The following UNC5D variants were observed in gnomAD, a reference collection of about 807,000 sequenced individuals.
The protein encoded by UNC5D is netrin receptor UNC5D.
In UNC5D, 39 loss-of-function variants were observed where a neutral mutation model predicts 105.4. The ratio of observed to expected loss-of-function variants is 0.37; its 90% confidence interval spans 0.29 to 0.48. UNC5D has a LOEUF of 0.48. Among genes scored for constraint, UNC5D ranks in the 20% least tolerant of loss-of-function variants. UNC5D has a pLI of 0.98. For synonymous variants in UNC5D, 452 were observed against 450.4 expected (o/e 1.00, Z -0.04); for missense variants, 991 against 1,202.4 (o/e 0.82, Z 2.60).
intron 1 of UNC5D, among the ~76,000 whole-genome samples, chr8:35,495,785 AT>A (rs1811545522): frequency 6.6e-6 from 1 of 152,146 alleles, no homozygotes; most frequent in South Asian, 2.1e-4. Context: ...TAAAAACCCT[AT>A]TTTTTGATCC....
intron 1 of UNC5D, among the ~76,000 whole-genome samples, chr8:35,493,255 A>C (rs1475941788): frequency 6.3e-5 from 9 of 142,184 alleles, no homozygotes; most frequent in Non-Finnish European, 1.4e-4. Flanking sequence ...CTAACAATTA[A>C]GAGTTGCTTC....
intron 1 of UNC5D, among the ~76,000 whole-genome samples, chr8:35,452,451 G>A (rs1008163174): frequency 4.6e-5 from 7 of 151,678 alleles, no homozygotes; most frequent in African/African-American, 1.7e-4. Flanking sequence ...TTTTTAGTAG[G>A]GACAGGGTTT....
At position 35,795,532 on chromosome 8, in the gene UNC5D, T is replaced by C. The variant is rs1024698704; in HGVS notation, c.*4969T>C. On this transcript the variant is annotated 3_prime_UTR_variant, in exon 17 of 17. Transcript: ENST00000404895. ...ATATCATGCCTTATGACCCCATTAC[T>C]GAAACACAGACATTACAATCAGAAA... 2 of 152,140 alleles carry C rather than the reference T, an allele frequency of 1.3e-5. No homozygotes were observed. The highest frequency in any genetic ancestry group is 4.8e-5 in the African/African-American group (2 of 41,438). 9.4% of individuals were successfully genotyped at this position (152,140 alleles called of 1,614,324 possible). A position where few individuals can be genotyped will look rare whatever the true frequency, so the allele number is the denominator to read the frequency against.
intron 1 of UNC5D, among the ~76,000 whole-genome samples, chr8:35,304,931 A>T (rs1194010052): frequency 6.4e-4 from 97 of 152,240 alleles, no homozygotes; most frequent in Admixed American, 1.1e-3. Flanking sequence ...ATCAGCTATG[A>T]ACAAAAGGAA....
At chr8:35,376,305 A>G (rs1585700230) in intron 1 of UNC5D, among the ~76,000 whole-genome samples, 2 of 152,272 alleles carry the variant, frequency 1.3e-5, no homozygotes, top group East Asian at 3.9e-4. Context: ...CTTTTACCTA[A>G]AAGAAGAGAT....
At chr8:35,287,024 T>C (rs2128857041) in intron 1 of UNC5D, among the ~76,000 whole-genome samples, 1 of 152,282 alleles carries the variant, frequency 6.6e-6, no homozygotes, top group South Asian at 2.1e-4. Flanking sequence ...AAATACTATT[T>C]GATCTCAGAG....
At chr8:35,300,004 C>G (rs1807807959) in intron 1 of UNC5D, among the ~76,000 whole-genome samples, 1 of 151,856 alleles carries the variant, frequency 6.6e-6, no homozygotes, top group South Asian at 2.1e-4. Flanking sequence ...CTAATTTGTA[C>G]AAGAGAAATA....
intron 15 of UNC5D, among the ~76,000 whole-genome samples, chr8:35,770,879 A>G (rs898902270): frequency 6.6e-6 from 1 of 151,884 alleles, no homozygotes; most frequent in African/African-American, 2.4e-5. Flanking sequence ...TTGATTTACA[A>G]CTCCCTTAGC....
intron 11 of UNC5D, among the ~76,000 whole-genome samples, chr8:35,745,478 G>A (rs1829954814): frequency 6.6e-6 from 1 of 152,138 alleles, no homozygotes; most frequent in South Asian, 2.1e-4. Context: ...TTTCCAAGGA[G>A]CCTTAAATGC....
chr8:35,480,663 T>C (rs1810427054), intron 1 of UNC5D, among the ~76,000 whole-genome samples: 1 of 152,204 alleles, frequency 6.6e-6, no homozygotes, highest in Non-Finnish European at 1.5e-5. Context: ...AAAGTTTATG[T>C]TCTTTTGAGG....
intron 1 of UNC5D, among the ~76,000 whole-genome samples, chr8:35,300,683 G>A (rs187907304): frequency 2.8e-4 from 43 of 152,176 alleles, no homozygotes; most frequent in Admixed American, 1.7e-3. Flanking sequence ...TTTAGAAGAT[G>A]CATAAACAAA....
At chr8:35,610,932 G>T (rs867456837) in intron 4 of UNC5D, among the ~76,000 whole-genome samples, 1 of 142,798 alleles carries the variant, frequency 7.0e-6, no homozygotes, top group African/African-American at 2.6e-5. Flanking sequence ...CAATTAATTA[G>T]CCACTCTGAC....
At chr8:35,531,037 C>T (rs1272974345) in intron 1 of UNC5D, among the ~76,000 whole-genome samples, 2 of 150,712 alleles carry the variant, frequency 1.3e-5, no homozygotes, top group Non-Finnish European at 2.9e-5. Flanking sequence ...TTTTGTGTCT[C>T]TATTTCCTTC....
intron 4 of UNC5D, among the ~76,000 whole-genome samples, chr8:35,622,047 AAAAT>A (rs1821391091): frequency 6.6e-6 from 1 of 152,220 alleles, no homozygotes; most frequent in Non-Finnish European, 1.5e-5. Flanking sequence ...AAGGCCCCTT[AAAAT>A]CCTGAGAGGG....
At chr8:35,420,864 C>G (rs1044028124) in intron 1 of UNC5D, among the ~76,000 whole-genome samples, 2 of 151,720 alleles carry the variant, frequency 1.3e-5, no homozygotes, top group African/African-American at 4.8e-5. Context: ...ATCATTATTA[C>G]CTAAAGTATC....
chr8:35,726,631 T>C, intron 10 of UNC5D, 102 bp downstream of exon 10: 1 of 1,518,150 alleles, frequency 6.6e-7, no homozygotes, highest in Non-Finnish European at 8.8e-7. Context: ...TACTCTCCCC[T>C]CATCAGACCT....
chr8:35,239,021 G>C (rs1321830918), intron 1 of UNC5D, among the ~76,000 whole-genome samples: 1 of 151,908 alleles, frequency 6.6e-6, no homozygotes, highest in African/African-American at 2.4e-5. Flanking sequence ...CCTATTTCCT[G>C]CCAGACTTAT....
chr8:35,492,569 C>G (rs954710137), intron 1 of UNC5D, among the ~76,000 whole-genome samples: 2 of 150,944 alleles, frequency 1.3e-5, no homozygotes, highest in Non-Finnish European at 2.9e-5. Flanking sequence ...TATTAACCGA[C>G]AGTAGACAGA....
At chr8:35,631,346 T>C (rs578001522) in intron 4 of UNC5D, among the ~76,000 whole-genome samples, 1 of 152,184 alleles carries the variant, frequency 6.6e-6, no homozygotes, top group East Asian at 1.9e-4. Flanking sequence ...CCTGACTGCT[T>C]TGTTTTATAG....
Sources: allele counts gnomAD v4.1 joint callset (sites outside exome capture counted in the v4.1 genomes callset), GRCh38; gene constraint gnomAD v4.1.1; transcripts MANE v1.5; gene names NCBI Gene and HGNC (gene_info 2026-07-23, HGNC 2026-07-21).